The following PCDHA8 variants were observed in gnomAD, a reference collection of about 807,000 sequenced individuals.
PCDHA8 encodes the protein protocadherin alpha 8, also known as protocadherin alpha-8.
A neutral mutation model predicts 61.8 loss-of-function variants in PCDHA8; 53 were observed. That is an observed-to-expected ratio of 0.86 (90% CI 0.69 to 1.08). The LOEUF is 1.08. PCDHA8 is among the 50% of genes least tolerant of loss of function. The pLI is 0.00. For synonymous variants in PCDHA8, 618 were observed against 556.6 expected, an observed-to-expected ratio of 1.11 and a Z score of -1.55; for missense variants, 1,293 against 1,245.0, an observed-to-expected ratio of 1.04 and a Z score of -0.58.
intron 1 of PCDHA8, chr5:140,871,341 C>G (rs2053000377): frequency 6.2e-7 from 1 of 1,614,188 alleles, no homozygotes; most frequent in African/African-American, 1.3e-5. Context: ...CGGTGGGGAG[C>G]TGGTCATACT....
chr5:140,942,435 A>G (rs1258382123), intron 1 of PCDHA8, among the ~76,000 whole-genome samples: 2 of 152,114 alleles, frequency 1.3e-5, no homozygotes, highest in East Asian at 3.9e-4. Flanking sequence ...ATCTAACAAT[A>G]AACAAGTAAA....
At chr5:141,004,935 A>C (rs1554259817) in intron 3 of PCDHA8, among the ~76,000 whole-genome samples, 1 of 152,112 alleles carries the variant, frequency 6.6e-6, no homozygotes, top group African/African-American at 2.4e-5. Flanking sequence ...GAGAGAAGAA[A>C]ATTTCTTACC....
rs143580970 is a variant in PCDHA8, at chr5:140,976,476, G to A, written c.2395-2473G>A. ...TGGGGAAGAAGAATTGCTTGAATCC[G>A]GGAGGCAGAGGTTGCAGGGAGCCAA... On this transcript the variant is annotated intron_variant, in intron 1 of 3. Transcript: ENST00000531613. 8.2e-3 allele frequency among the ~76,000 whole-genome samples: 1,253 copies of A among 152,132 alleles called. 22 individuals carry two copies. The highest frequency in any genetic ancestry group is 0.028 in the African/African-American group (1,179 of 41,504).
chr5:140,893,198 C>T (rs1242904411), intron 1 of PCDHA8, among the ~76,000 whole-genome samples: 2 of 152,164 alleles, frequency 1.3e-5, no homozygotes, highest in Admixed American at 6.5e-5. Flanking sequence ...AATAGTGCTG[C>T]AGTAAGTATG....
Position 141,010,119 on chromosome 5 carries a change from A to G in PCDHA8, c.*182A>G. 6.2e-7 allele frequency: 1 copy of G among 1,608,062 alleles called. No homozygotes were observed. On this transcript the variant is annotated 3_prime_UTR_variant, in exon 4 of 4. Transcript: ENST00000531613. ...TAACAGGTTTTGTCGTAAAAGCTTT[A>G]CTAAGTCTGGTGTTAACTCTTTCTC...
chr5:140,940,756 T>A (rs782132428), intron 1 of PCDHA8, among the ~76,000 whole-genome samples: 23 of 152,246 alleles, frequency 1.5e-4, no homozygotes, highest in Non-Finnish European at 2.8e-4. Context: ...GTGTGCCAAC[T>A]TTTATTTGAC....
intron 1 of PCDHA8, chr5:140,854,252 T>C (rs1188551859): frequency 1.8e-5 from 11 of 627,946 alleles, no homozygotes; most frequent in African/African-American, 2.0e-5. Flanking sequence ...TCACTTGGTA[T>C]AAAATGTACA....
At chr5:140,937,769 G>A (rs908179495) in intron 1 of PCDHA8, among the ~76,000 whole-genome samples, 44 of 151,776 alleles carry the variant, frequency 2.9e-4, no homozygotes, top group African/African-American at 9.4e-4. Context: ...AAAATTAGTC[G>A]GGCGTGGTGG....
rs2150319848 is a variant in PCDHA8 at position 140,841,636 on chromosome 5, C to T, written c.315C>T (p.His105=). The part of the protein sequence containing the change: ...LCGRSAECSI[H]LEVIVDRPLQ... ...GGCGGAGCGCGGAGTGCAGCATCCACCTGGAGGTGATCGTGGACAGGCCGC... is the reference window on the plus strand; with the variant it reads ...GGCGGAGCGCGGAGTGCAGCATCCATCTGGAGGTGATCGTGGACAGGCCGC... The change falls in exon 1 of 4, where the codon CAC becomes CAT. Residue 105 remains histidine, a synonymous_variant. Coordinates refer to ENST00000531613, the MANE Select transcript of PCDHA8 (RefSeq NM_018911.3). 1 of 1,614,130 alleles carries T rather than the reference C, an allele frequency of 6.2e-7. No homozygotes were observed.
chr5:140,866,964 C>T (rs1197921114), intron 1 of PCDHA8: 1 of 152,102 alleles, frequency 6.6e-6, no homozygotes, highest in East Asian at 1.9e-4. Flanking sequence ...GAGATGGTGA[C>T]ATCTGAAATA....
intron 1 of PCDHA8, chr5:140,870,035 A>G (rs1490530166): frequency 1.2e-6 from 2 of 1,613,656 alleles, no homozygotes; most frequent in African/African-American, 2.7e-5. Context: ...GATTATGAAG[A>G]AAACAAGTTT....
chr5:140,844,973 A>G (rs1229896570), intron 1 of PCDHA8, among the ~76,000 whole-genome samples: 1 of 149,218 alleles, frequency 6.7e-6, no homozygotes, highest in African/African-American at 2.5e-5. Context: ...TGTTATTAGT[A>G]TTGTTTTAAA....
At chr5:140,927,848 G>C (rs1295513512) in intron 1 of PCDHA8, 1 of 1,614,180 alleles carries the variant, frequency 6.2e-7, no homozygotes, top group African/African-American at 1.3e-5. Flanking sequence ...GGTGTCTTTG[G>C]TTTAGCTAGC....
At chr5:140,928,077 C>T in intron 1 of PCDHA8, 1 of 1,614,230 alleles carries the variant, frequency 6.2e-7, no homozygotes, top group Non-Finnish European at 8.5e-7. Context: ...ACAACTACTA[C>T]AGCCTGCTGA....
intron 1 of PCDHA8, among the ~76,000 whole-genome samples, chr5:140,844,990 A>G (rs1313324994): frequency 6.7e-6 from 1 of 149,154 alleles, no homozygotes; most frequent in Non-Finnish European, 1.5e-5. Flanking sequence ...TAAATCTTTT[A>G]ATCACTTATG....
At position 140,842,982 on chromosome 5, in the gene PCDHA8, T is replaced by C. The variant is rs2150349122; in HGVS notation, c.1661T>C (p.Phe554Ser). The C allele has an allele frequency of 6.3e-7, 1 of 1,594,948 alleles. No individual in the cohort carries two copies. Among genetic ancestry groups the C allele is most frequent in the Non-Finnish European group, 8.6e-7 (1 of 1,165,450 alleles). ...GGCAGCAACGTGACGCTGCAGGTGT[T>C]CGTGCTGGACGAGAATGACAACGCG... ...PLGSNVTLQV[F>S]VLDENDNAPA... is the part of the protein sequence containing the mutation. Residue 554 changes from phenylalanine to serine, a missense_variant, in exon 1 of 4, where the codon TTC (phenylalanine) becomes TCC (serine). By Grantham distance (155) the Phe-to-Ser change is radical. Transcript: ENST00000531613.
chr5:141,009,407 G>T (rs990895210), intron 3 of PCDHA8, among the ~76,000 whole-genome samples: 2 of 152,184 alleles, frequency 1.3e-5, no homozygotes, highest in Admixed American at 6.5e-5. Flanking sequence ...TGCAGTGACT[G>T]CATTTCAGCC....
chr5:140,918,282 C>G (rs2078612020), intron 1 of PCDHA8, among the ~76,000 whole-genome samples: 1 of 152,016 alleles, frequency 6.6e-6, no homozygotes, highest in Non-Finnish European at 1.5e-5. Flanking sequence ...GATGTAGGAG[C>G]TTTTTGGCAG....
chr5:140,930,329 A>C (rs868965676), intron 1 of PCDHA8: 1 of 152,198 alleles, frequency 6.6e-6, no homozygotes, highest in African/African-American at 2.4e-5. Context: ...AATGTATCTA[A>C]TGAAAGTTAA....
Sources: gnomAD v4.1 joint callset for allele counts (sites outside exome capture counted in the v4.1 genomes callset) on GRCh38, gnomAD v4.1.1 for gene constraint, MANE v1.5 for transcripts, NCBI Gene and HGNC (gene_info 2026-07-23, HGNC 2026-07-21) for gene names.